The following SLCO3A1 variants were observed in gnomAD, a reference collection of about 807,000 sequenced individuals.
The protein encoded by SLCO3A1 is PGE1 transporter.
In SLCO3A1, 27 loss-of-function variants were observed where a neutral mutation model predicts 63.1. That is an observed-to-expected ratio of 0.43 (90% CI 0.32 to 0.59). The LOEUF (loss-of-function observed/expected upper bound fraction) is 0.59, where lower values mean the gene tolerates loss of function less well. SLCO3A1 is among the 20% of genes least tolerant of loss of function. The pLI is 0.09. For missense variants in SLCO3A1, 773 were observed against 945.8 expected (o/e 0.82, Z 2.40); for synonymous variants, 473 against 409.9 (o/e 1.15, Z -1.86).
chr15:92,077,283 C>G (rs2047289746), intron 2 of SLCO3A1, among the ~76,000 whole-genome samples: 1 of 152,154 alleles, frequency 6.6e-6, no homozygotes, highest in Non-Finnish European at 1.5e-5. Context: ...ATGGGTCCTT[C>G]TATTACCCTG....
chr15:92,157,776 G>A (rs1023596543), intron 9 of SLCO3A1, among the ~76,000 whole-genome samples: 2 of 152,196 alleles, frequency 1.3e-5, no homozygotes, highest in African/African-American at 4.8e-5. Flanking sequence ...ACAGCAGCAA[G>A]GGAACCAGAT....
intron 2 of SLCO3A1, among the ~76,000 whole-genome samples, chr15:91,999,743 A>G (rs935189602): frequency 6.6e-6 from 1 of 152,198 alleles, no homozygotes; most frequent in African/African-American, 2.4e-5. Flanking sequence ...GTGAGCTATG[A>G]TTACTCCACT....
At chr15:92,126,026 C>T (rs777384223) in intron 5 of SLCO3A1, 35 bp from the exon 6 acceptor site, 20 of 1,595,088 alleles carry the variant, frequency 1.3e-5, no homozygotes, top group Non-Finnish European at 1.7e-5. Context: ...CCCACCTTCC[C>T]TGTTCACAGC....
At chr15:92,116,290 A>G (rs182288043) in intron 4 of SLCO3A1, among the ~76,000 whole-genome samples, 1 of 152,314 alleles carries the variant, frequency 6.6e-6, no homozygotes, top group East Asian at 1.9e-4. Flanking sequence ...TGAAGGACCC[A>G]TAAGTTTCCA....
chr15:92,099,752 G>A (rs932087951), intron 3 of SLCO3A1, among the ~76,000 whole-genome samples: 13 of 152,126 alleles, frequency 8.5e-5, no homozygotes, highest in Admixed American at 2.0e-4. Context: ...TACAAAGAGT[G>A]GAAGGGTTAG....
chr15:92,156,309 C>T lies in SLCO3A1; in HGVS notation c.1753+5295C>T, dbSNP rs144630513. The stretch of plus-strand genomic sequence containing the variant: ...CCTACACTTTTAATTGTTCATTCGG[C>T]GAACATATGTTAGGCGCCAGCCATG... On this transcript the variant is annotated intron_variant, in intron 9 of 9. Transcript: ENST00000318445. 1.8e-3 allele frequency among the ~76,000 whole-genome samples: 280 copies of T among 152,234 alleles called. 1 individual carries two copies. The highest frequency in any genetic ancestry group is 6.1e-3 in the African/African-American group (253 of 41,526).
intron 9 of SLCO3A1, among the ~76,000 whole-genome samples, chr15:92,155,741 A>AC (rs2048362955): frequency 2.6e-5 from 4 of 152,126 alleles, no homozygotes; most frequent in African/African-American, 9.7e-5. Flanking sequence ...CCCCAACCCA[A>AC]CCGACCTAAG....
At chr15:91,973,075 A>G (rs1409126837) in intron 2 of SLCO3A1, among the ~76,000 whole-genome samples, 1 of 152,246 alleles carries the variant, frequency 6.6e-6, no homozygotes, top group Non-Finnish European at 1.5e-5. Context: ...AGATCACGCC[A>G]TTGCACTCCA....
intron 2 of SLCO3A1, among the ~76,000 whole-genome samples, chr15:91,997,720 T>G (rs765638147): frequency 3.3e-5 from 5 of 152,190 alleles, no homozygotes; most frequent in Non-Finnish European, 7.3e-5. Flanking sequence ...CCTACAGCTC[T>G]CTGATCTTCA....
intron 7 of SLCO3A1, among the ~76,000 whole-genome samples, chr15:92,143,219 GTCCCAAATC>G (rs1458979539): frequency 6.9e-6 from 1 of 145,378 alleles, no homozygotes; most frequent in Non-Finnish European, 1.5e-5. Context: ...AAGAACTTCA[GTCCCAAATC>G]TTTTTCCTCA....
intron 2 of SLCO3A1, among the ~76,000 whole-genome samples, chr15:91,952,772 C>CGATTCT (rs1282861732): frequency 6.6e-6 from 1 of 152,168 alleles, no homozygotes; most frequent in Non-Finnish European, 1.5e-5. Flanking sequence ...TGTCACATAT[C>CGATTCT]GATTCTGTCT....
In SLCO3A1 at chr15:92,164,818, T is replaced by A. The variant is rs1039132872; in HGVS notation, c.*1683T>A. 3 of 985,292 alleles carry A rather than the reference T, an allele frequency of 3.0e-6. No homozygotes were observed. In the African/African-American group the frequency reaches 5.2e-5, roughly 17 times the overall value. The allele number at this position is 985,292 out of a possible 1,614,324, so 61.0% of individuals were successfully genotyped here. A position where few individuals can be genotyped will look rare whatever the true frequency, so the allele number is the denominator to read the frequency against. On this transcript the variant is annotated 3_prime_UTR_variant, in exon 10 of 10. Coordinates refer to ENST00000318445, the MANE Select transcript of SLCO3A1 (RefSeq NM_013272.4). Reference sequence around the variant, plus strand: ...CCTCTCGCAACCAGCACACTAGGCCTTCTACGGCCATTTCTGTAAGGGGAC... The same window carrying A: ...CCTCTCGCAACCAGCACACTAGGCCATCTACGGCCATTTCTGTAAGGGGAC...
At chr15:92,041,191 G>T (rs1215184302) in intron 2 of SLCO3A1, among the ~76,000 whole-genome samples, 2 of 152,038 alleles carry the variant, frequency 1.3e-5, no homozygotes, top group Non-Finnish European at 2.9e-5. Context: ...CTTTATTTCA[G>T]CTTTCCTAAG....
At chr15:91,994,452 C>T (rs1159615496) in intron 2 of SLCO3A1, among the ~76,000 whole-genome samples, 1 of 152,218 alleles carries the variant, frequency 6.6e-6, no homozygotes, top group East Asian at 1.9e-4. Flanking sequence ...CAGTCTACCC[C>T]TTAGCAGAAT....
Position 91,854,178 on chromosome 15 carries a change from T to G in SLCO3A1, c.180+90T>G. 1 of 1,212,392 alleles carries G rather than the reference T, an allele frequency of 8.2e-7. No individual in the cohort carries two copies. The highest frequency in any genetic ancestry group is 1.1e-6 in the Non-Finnish European group (1 of 945,214). 75.1% of individuals were successfully genotyped at this position (1,212,392 alleles called of 1,614,324 possible). The stretch of plus-strand genomic sequence containing the variant: ...GCCCGACGAGGGGGCCGCCCGGCGC[T>G]GGGGGCAGGCGGGCATGACCTCGGC... On this transcript the variant is annotated intron_variant, in intron 1 of 9. Transcript: ENST00000318445. This position sits in a 1 kb window ranked among gnomAD's most constrained non-coding sequence, Gnocchi z 6.4.
chr15:92,126,305 C>T (rs2047922433), intron 6 of SLCO3A1, 46 bp downstream of exon 6: 1 of 1,527,640 alleles, frequency 6.5e-7, no homozygotes, highest in Admixed American at 1.7e-5. Context: ...TTCAGGGACC[C>T]TAGCAATCTC....
intron 2 of SLCO3A1, among the ~76,000 whole-genome samples, chr15:91,960,469 C>T (rs938655387): frequency 3.9e-5 from 6 of 151,986 alleles, no homozygotes; most frequent in Admixed American, 2.6e-4. Flanking sequence ...TTGGTGTGGA[C>T]GAGGCAACCT....
intron 1 of SLCO3A1, among the ~76,000 whole-genome samples, chr15:91,890,394 T>C (rs1000367118): frequency 3.9e-5 from 6 of 152,198 alleles, no homozygotes; most frequent in African/African-American, 7.2e-5. Flanking sequence ...ACATATATTA[T>C]ATCCTGGGTC....
At chr15:92,070,666 C>CA (rs1462755823) in intron 2 of SLCO3A1, among the ~76,000 whole-genome samples, 2 of 145,532 alleles carry the variant, frequency 1.4e-5, no homozygotes, top group African/African-American at 2.6e-5. Context: ...TTTTTTGAGA[C>CA]AGAGTTATGG....
Sources: allele counts gnomAD v4.1 joint callset (sites outside exome capture counted in the v4.1 genomes callset), GRCh38; gene constraint gnomAD v4.1.1; non-coding constraint Gnocchi (gnomAD v3.1); transcripts MANE v1.5; gene names NCBI Gene and HGNC (gene_info 2026-07-23, HGNC 2026-07-21).